Variants in C10orf90 observed in about 807,000 individuals in gnomAD.
C10orf90 encodes the protein chromosome 10 open reading frame 90.
C10orf90 carries 56 observed loss-of-function variants against 62.5 expected under a neutral mutation model. That is an observed-to-expected ratio of 0.90 (90% CI 0.72 to 1.12). The LOEUF is 1.12. C10orf90 is among the 50% of genes most tolerant of loss of function. C10orf90 has a pLI of 0.00. For synonymous variants in C10orf90, 386 were observed against 340.4 expected (o/e 1.13, Z -1.47); for missense variants, 970 against 880.4 (o/e 1.10, Z -1.29).
At chr10:126,492,841 T>A (rs115347612) in intron 4 of C10orf90, among the ~76,000 whole-genome samples, 1 of 152,166 alleles carries the variant, frequency 6.6e-6, no homozygotes, top group East Asian at 1.9e-4. Context: ...TATTTGGAAA[T>A]CTAGATTAAA....
intron 2 of C10orf90, among the ~76,000 whole-genome samples, chr10:126,607,359 TCTAA>T (rs1229387970): frequency 6.6e-6 from 1 of 152,350 alleles, no homozygotes; most frequent in Admixed American, 6.5e-5. Context: ...TAGTTGCAAA[TCTAA>T]CTAGCCACTG....
chr10:126,517,497 G>C (rs1863498478), intron 2 of C10orf90, among the ~76,000 whole-genome samples: 1 of 152,154 alleles, frequency 6.6e-6, no homozygotes, highest in Non-Finnish European at 1.5e-5. Context: ...TCTGAGTCCT[G>C]CCCTTTGCTG....
chr10:126,516,531 T>C (rs1473998774), intron 2 of C10orf90, among the ~76,000 whole-genome samples: 1 of 152,200 alleles, frequency 6.6e-6, no homozygotes, highest in African/African-American at 2.4e-5. Flanking sequence ...TTCAGAGGGT[T>C]ACTGAAAGAA....
intron 4 of C10orf90, among the ~76,000 whole-genome samples, chr10:126,472,267 T>G (rs1402531246): frequency 6.6e-6 from 1 of 152,178 alleles, no homozygotes; most frequent in African/African-American, 2.4e-5. Context: ...AAGCAATAAA[T>G]GATCACTGTA....
intron 4 of C10orf90, among the ~76,000 whole-genome samples, chr10:126,493,506 G>A (rs1388623459): frequency 1.3e-5 from 2 of 151,914 alleles, no homozygotes; most frequent in African/African-American, 4.8e-5. Flanking sequence ...GATTACAGGT[G>A]CCTGCCACCA....
intron 4 of C10orf90, among the ~76,000 whole-genome samples, chr10:126,474,028 C>A (rs1411574979): frequency 6.6e-6 from 1 of 152,138 alleles, no homozygotes; most frequent in Non-Finnish European, 1.5e-5. Flanking sequence ...ATGTGGTACA[C>A]CAACCAGTAG....
chr10:126,564,866 T>TA (rs1491369402), intron 2 of C10orf90, among the ~76,000 whole-genome samples: 349 of 3,432 alleles, frequency 0.1, 127 homozygotes, highest in Admixed American at 0.14. Flanking sequence ...AAAATATATA[T>TA]TATATATAAT....
chr10:126,535,224 A>T lies in C10orf90; in HGVS notation c.314-21285T>A, dbSNP rs540318509. Among the ~76,000 whole-genome samples the T allele has an allele frequency of 8.0e-5, 12 of 150,248 alleles. No individual in the cohort carries two copies. In the South Asian group the frequency reaches 8.3e-4, roughly 10 times the overall value. On this transcript the variant is annotated intron_variant, in intron 2 of 9. Coordinates refer to ENST00000488181, the MANE Select transcript of C10orf90 (RefSeq NM_001350921.2). ...AAAATTGTATTTTTTTTTCATTTTTAAAAAATTTGTCAGCTGGGTGTGGTG... is the reference window on the plus strand; with the variant it reads ...AAAATTGTATTTTTTTTTCATTTTTTAAAAATTTGTCAGCTGGGTGTGGTG...
At chr10:126,655,839 C>CAAAAAAAA (rs56164675) in intron 1 of C10orf90, among the ~76,000 whole-genome samples, 1 of 139,810 alleles carries the variant, frequency 7.2e-6, no homozygotes, top group African/African-American at 2.7e-5. Flanking sequence ...CAAAACAAAA[C>CAAAAAAAA]AAAAAAAAAA....
chr10:126,603,761 GA>G (rs761843762), intron 2 of C10orf90, among the ~76,000 whole-genome samples: 6 of 152,146 alleles, frequency 3.9e-5, no homozygotes, highest in Non-Finnish European at 8.8e-5. Context: ...CTCTGTCTAT[GA>G]AAGGGTTCTT....
intron 7 of C10orf90, among the ~76,000 whole-genome samples, chr10:126,430,508 T>TA (rs1054820447): frequency 1.5e-4 from 23 of 151,970 alleles, no homozygotes; most frequent in Admixed American, 3.9e-4. Flanking sequence ...TGGTGTGTGT[T>TA]AAAAAAAACA....
Position 126,626,463 on chromosome 10 carries a change from G to A in C10orf90, c.313+20102C>T, listed in dbSNP as rs188631836. Reference sequence around the variant, plus strand: ...TCTATTAAGCTCAGGGGTACCAGACGCTTGGGGTCAGTGCAAGAACCAAAG... The same window carrying A: ...TCTATTAAGCTCAGGGGTACCAGACACTTGGGGTCAGTGCAAGAACCAAAG... On this transcript the variant is annotated intron_variant, in intron 2 of 9. Transcript: ENST00000488181. Among the ~76,000 whole-genome samples, 65 of 152,284 alleles carry A rather than the reference G, an allele frequency of 4.3e-4. 1 individual carries two copies. The highest frequency in any genetic ancestry group is 4.1e-3 in the Admixed American group (62 of 15,300).
intron 7 of C10orf90, among the ~76,000 whole-genome samples, chr10:126,433,861 T>G (rs1452215649): frequency 6.6e-6 from 1 of 152,224 alleles, no homozygotes; most frequent in Non-Finnish European, 1.5e-5. Context: ...TTACAGATTT[T>G]CCTTGAAGTT....
intron 7 of C10orf90, among the ~76,000 whole-genome samples, chr10:126,450,060 G>A (rs1859072170): frequency 6.7e-6 from 1 of 148,320 alleles, no homozygotes; most frequent in African/African-American, 2.5e-5. Flanking sequence ...AAGAAATCAA[G>A]AAAACAATCC....
intron 2 of C10orf90, among the ~76,000 whole-genome samples, chr10:126,564,082 C>T (rs754348193): frequency 1.7e-4 from 26 of 152,122 alleles, no homozygotes; most frequent in Non-Finnish European, 1.3e-4. Flanking sequence ...CCAGACATTG[C>T]AAATGGCTCC....
intron 2 of C10orf90, among the ~76,000 whole-genome samples, chr10:126,599,576 T>C (rs1198390402): frequency 1.3e-5 from 2 of 151,068 alleles, no homozygotes; most frequent in Admixed American, 6.6e-5. Flanking sequence ...TGGGGCCCCA[T>C]GCATCCTCAG....
At chr10:126,661,271 T>C (rs1846505209) in intron 1 of C10orf90, among the ~76,000 whole-genome samples, 1 of 152,196 alleles carries the variant, frequency 6.6e-6, no homozygotes, top group Non-Finnish European at 1.5e-5. Context: ...CAACAACTCA[T>C]TTTCATGGGG....
chr10:126,502,718 G>A (rs1271003891), intron 4 of C10orf90: 3 of 473,406 alleles, frequency 6.3e-6, no homozygotes, highest in Non-Finnish European at 1.3e-5. Context: ...TGTATTTCTG[G>A]AATCATCATC....
chr10:126,578,890 C>T (rs1844682222), intron 2 of C10orf90, among the ~76,000 whole-genome samples: 1 of 152,070 alleles, frequency 6.6e-6, no homozygotes, highest in Non-Finnish European at 1.5e-5. Context: ...AACGATCTGG[C>T]CACTATGCCA....
Sources: gnomAD v4.1 joint callset for allele counts (sites outside exome capture counted in the v4.1 genomes callset) on GRCh38, gnomAD v4.1.1 for gene constraint, MANE v1.5 for transcripts, NCBI Gene and HGNC (gene_info 2026-07-23, HGNC 2026-07-21) for gene names.